The following TOGARAM2 variants were observed in gnomAD, a reference collection of about 807,000 sequenced individuals.
TOGARAM2 encodes the protein TOG array regulator of axonemal microtubules protein 2.
A neutral mutation model predicts 93.3 loss-of-function variants in TOGARAM2; 85 were observed. The observed-to-expected ratio is 0.91, with a 90% CI of 0.76 to 1.09. The LOEUF is 1.09. TOGARAM2 is among the 50% of genes least tolerant of loss of function. TOGARAM2 has a pLI of 0.00. For synonymous variants in TOGARAM2, 593 were observed against 552.8 expected (o/e 1.07, Z -1.02); for missense variants, 1,277 against 1,334.5 (o/e 0.96, Z 0.67).
intron 1 of TOGARAM2, among the ~76,000 whole-genome samples, chr2:28,958,638 G>A (rs1671758480): frequency 6.6e-6 from 1 of 152,176 alleles, no homozygotes; most frequent in Non-Finnish European, 1.5e-5. Flanking sequence ...GCACACGTGT[G>A]TATTGGCTTT....
At chr2:28,980,558 G>T (rs569009968), upstream of TOGARAM2, among the ~76,000 whole-genome samples, 149 of 152,338 alleles carry the variant, frequency 9.8e-4, no homozygotes, top group African/African-American at 3.4e-3. Flanking sequence ...GGGCTAGAAG[G>T]GGGTAGCATG....
chr2:28,959,479 T>C (rs565300758), intron 1 of TOGARAM2, among the ~76,000 whole-genome samples: 5 of 152,168 alleles, frequency 3.3e-5, no homozygotes, highest in Admixed American at 6.5e-5. Context: ...ATAGGCCGGG[T>C]GCGGTGGCTC....
At chr2:29,042,754 G>A (rs1666509849) in intron 18 of TOGARAM2, among the ~76,000 whole-genome samples, 1 of 152,136 alleles carries the variant, frequency 6.6e-6, no homozygotes, top group South Asian at 2.1e-4. Flanking sequence ...ACTGCCAGAC[G>A]GGCATTCTCT....
intron 13 of TOGARAM2, among the ~76,000 whole-genome samples, chr2:29,025,381 G>T (rs928609121): frequency 3.4e-5 from 5 of 147,052 alleles, no homozygotes; most frequent in Non-Finnish European, 7.5e-5. Context: ...TAACTTAGGA[G>T]AAATGAATTG....
intron 1 of TOGARAM2, among the ~76,000 whole-genome samples, chr2:28,973,465 T>TCCTC (rs776169095): frequency 6.1e-4 from 37 of 60,812 alleles, no homozygotes; most frequent in South Asian, 2.5e-3. Flanking sequence ...CTTCCTTCCT[T>TCCTC]CCTCCCTCCC....
intron 14 of TOGARAM2, among the ~76,000 whole-genome samples, chr2:29,030,699 C>G (rs1400630563): frequency 6.6e-6 from 1 of 152,210 alleles, no homozygotes; most frequent in African/African-American, 2.4e-5. Flanking sequence ...CATTCTGCCC[C>G]TGACTGCCAC....
At chr2:29,025,781 G>C (rs1255958526) in intron 13 of TOGARAM2, among the ~76,000 whole-genome samples, 1 of 152,136 alleles carries the variant, frequency 6.6e-6, no homozygotes, top group African/African-American at 2.4e-5. Flanking sequence ...TAGAGCTCAG[G>C]TTCCACTTGT....
chr2:28,997,053 G>A (rs1003388737), intron 2 of TOGARAM2, among the ~76,000 whole-genome samples: 1 of 152,026 alleles, frequency 6.6e-6, no homozygotes, highest in African/African-American at 2.4e-5. Context: ...ACTTTCTGTT[G>A]GATATTCATC....
rs1157126524 is a variant in TOGARAM2, at chr2:29,009,807, G to A, written c.831-1648G>A. 3.9e-5 allele frequency among the ~76,000 whole-genome samples: 6 copies of A among 152,248 alleles called. No homozygotes were observed. The East Asian group carries it at 1.2e-3, about 29-fold the overall frequency. On this transcript the variant is annotated intron_variant, in intron 6 of 19. Transcript: ENST00000379558. ...CACCCACCTCCTTGGGGCCTGCGGA[G>A]GAGCCTGAGCGGTGGTGGGTTTTCT...
intron 13 of TOGARAM2, among the ~76,000 whole-genome samples, chr2:29,025,536 G>C (rs969434350): frequency 6.6e-6 from 1 of 152,134 alleles, no homozygotes; most frequent in African/African-American, 2.4e-5. Flanking sequence ...CTGTCAACAA[G>C]AACCAGGGTC....
Position 29,034,869 on chromosome 2 carries a change from T to C in TOGARAM2, c.2226-595T>C, listed in dbSNP as rs947961423. On this transcript the variant is annotated intron_variant, in intron 16 of 19. Coordinates refer to ENST00000379558, the MANE Select transcript of TOGARAM2 (RefSeq NM_199280.4). ...ACTCTTACATTAAATGTGCACCAGTTGGCCAGGTGCAGTGGCTCACACTTA... is the reference window on the plus strand; with the variant it reads ...ACTCTTACATTAAATGTGCACCAGTCGGCCAGGTGCAGTGGCTCACACTTA... Among the ~76,000 whole-genome samples the C allele has an allele frequency of 2.6e-5, 4 of 152,096 alleles. 1 individual carries two copies. The highest frequency in any genetic ancestry group is 9.7e-5 in the African/African-American group (4 of 41,408).
chr2:28,998,016 C>T, intron 2 of TOGARAM2, 127 bp from the exon 3 acceptor site: 1 of 578,754 alleles, frequency 1.7e-6, no homozygotes, highest in Non-Finnish European at 3.0e-6. Context: ...CACCACATGC[C>T]TTGGTTTTTT....
intron 6 of TOGARAM2, among the ~76,000 whole-genome samples, chr2:29,004,129 C>A (rs1005816216): frequency 4.6e-5 from 7 of 152,104 alleles, no homozygotes; most frequent in Non-Finnish European, 8.8e-5. Context: ...ATTACAGGCA[C>A]CCACCACCAT....
At chr2:28,961,355 G>T (rs2148213337) in intron 1 of TOGARAM2, among the ~76,000 whole-genome samples, 1 of 151,856 alleles carries the variant, frequency 6.6e-6, no homozygotes, top group Admixed American at 6.6e-5. Context: ...TAATTTTTTT[G>T]GAGGCAGAAT....
rs563708647 is a variant in TOGARAM2 at position 29,009,282 on chromosome 2, C to T, written c.831-2173C>T. On this transcript the variant is annotated intron_variant, in intron 6 of 19. Coordinates refer to ENST00000379558, the MANE Select transcript of TOGARAM2 (RefSeq NM_199280.4). Reference sequence around the variant, plus strand: ...CCCTGCATCCTTGCGTGACAGCCTGCGGGGTGGGGGTGAAGGGCCTGTGTG... The same window carrying T: ...CCCTGCATCCTTGCGTGACAGCCTGTGGGGTGGGGGTGAAGGGCCTGTGTG... Among the ~76,000 whole-genome samples the T allele has an allele frequency of 5.9e-5, 9 of 152,188 alleles. No individual in the cohort carries two copies. The East Asian group carries it at 1.4e-3, about 23-fold the overall frequency.
At chr2:29,003,854 C>A (rs1321331718) in intron 6 of TOGARAM2, among the ~76,000 whole-genome samples, 172 bp downstream of exon 6, 1 of 152,238 alleles carries the variant, frequency 6.6e-6, no homozygotes, top group South Asian at 2.1e-4. Flanking sequence ...GAGGTCCCAG[C>A]ATGGTTGCCG....
At chr2:29,051,684 G>C (rs1378535301) in intron 19 of TOGARAM2, 72 bp from the exon 20 acceptor site, 1 of 1,283,678 alleles carries the variant, frequency 7.8e-7, no homozygotes, top group Non-Finnish European at 1.0e-6. Context: ...GACAAAGTTG[G>C]TGTCCCAAGA....
At chr2:29,041,183 C>G (rs961836024) in intron 18 of TOGARAM2, among the ~76,000 whole-genome samples, 1 of 152,112 alleles carries the variant, frequency 6.6e-6, no homozygotes, top group Non-Finnish European at 1.5e-5. Flanking sequence ...TGTCACCACA[C>G]CCGGCCAATT....
At chr2:28,970,761 C>T (rs1671938466) in intron 1 of TOGARAM2, among the ~76,000 whole-genome samples, 1 of 152,240 alleles carries the variant, frequency 6.6e-6, no homozygotes. Flanking sequence ...CCATGCATGT[C>T]TCTGTCTGAC....
Sources: gnomAD v4.1 joint callset for allele counts (sites outside exome capture counted in the v4.1 genomes callset) on GRCh38, gnomAD v4.1.1 for gene constraint, MANE v1.5 for transcripts, NCBI Gene and HGNC (gene_info 2026-07-23, HGNC 2026-07-21) for gene names.